Variants in INPPL1 observed in about 807,000 individuals in gnomAD.
INPPL1 encodes the protein inositol polyphosphate phosphatase like 1.
INPPL1 carries 91 observed loss-of-function variants against 139.3 expected under a neutral mutation model. The observed-to-expected ratio is 0.65, with a 90% CI of 0.55 to 0.78. The LOEUF (loss-of-function observed/expected upper bound fraction) is 0.78, where lower values mean the gene tolerates loss of function less well. Ranked by LOEUF, INPPL1 falls within the 30% of genes least tolerant of loss-of-function variation. INPPL1 has a pLI of 0.00. For missense variants in INPPL1, 1,411 were observed against 1,665.6 expected, an observed-to-expected ratio of 0.85 and a Z score of 2.66; for synonymous variants, 719 against 686.6, an observed-to-expected ratio of 1.05 and a Z score of -0.74.
In INPPL1 at chr11:72,237,803, G is replaced by A. The variant is rs764223612; in HGVS notation, c.3552+7G>A. 1.9e-6 allele frequency: 3 copies of A among 1,590,992 alleles called. No individual in the cohort carries two copies. Among genetic ancestry groups the A allele is most frequent in the East Asian group, 2.3e-5 (1 of 43,538 alleles). ...GGAAGACCTGGCAGAGGAGGTGTGT[G>A]GAGCAGGGTGGCTGTCTGTGTGTGC... is the stretch of plus-strand genomic sequence containing the variant. On this transcript the variant is annotated splice_region_variant and intron_variant, in intron 26 of 27. Coordinates refer to ENST00000298229, the MANE Select transcript of INPPL1 (RefSeq NM_001567.4).
rs1166118162 is a variant in INPPL1 at position 72,238,418 on chromosome 11, C to A, written c.*65C>A. The A allele has an allele frequency of 2.9e-6, 4 of 1,401,478 alleles. No homozygotes were observed. The East Asian group carries it at 7.5e-5, about 26-fold the overall frequency. The allele number at this position is 1,401,478 out of a possible 1,614,324, so 86.8% of individuals were successfully genotyped here. A position where few individuals can be genotyped will look rare whatever the true frequency, so the allele number is the denominator to read the frequency against. On this transcript the variant is annotated 3_prime_UTR_variant, in exon 28 of 28. Transcript: ENST00000298229. ...CCTGCTACCAAGGCCCAGCTATGGCCCCAGGGTTGAAAAGTTATGAGGGTC... is the reference window on the plus strand; with the variant it reads ...CCTGCTACCAAGGCCCAGCTATGGCACCAGGGTTGAAAAGTTATGAGGGTC...
chr11:72,233,267 A>C (rs991382033), intron 17 of INPPL1, 104 bp downstream of exon 17: 45 of 1,138,770 alleles, frequency 4.0e-5, no homozygotes, highest in Non-Finnish European at 5.4e-5. Context: ...TCCAGCCTCC[A>C]TGGCCCCTCT....
intron 13 of INPPL1, among the ~76,000 whole-genome samples, chr11:72,231,842 A>G (rs1948843587): frequency 6.6e-6 from 1 of 152,166 alleles, no homozygotes; most frequent in African/African-American, 2.4e-5. Context: ...ACTCAAACCC[A>G]GAGTGGTTGA....
chr11:72,234,692 C>A lies in INPPL1; in HGVS notation c.2415+77C>A. On this transcript the variant is annotated intron_variant, in intron 21 of 27. Coordinates refer to ENST00000298229, the MANE Select transcript of INPPL1 (RefSeq NM_001567.4). The surrounding 1 kb of genome is among the most constrained non-coding windows in gnomAD (Gnocchi z 4.2). ...ACATAAGAGTTTATTGGAGAGCCTG[C>A]CTGGGAGGGAGTGTGGGGCCAGCAG... The A allele has an allele frequency of 2.0e-6, 2 of 1,009,194 alleles. No individual in the cohort carries two copies. The highest frequency in any genetic ancestry group is 3.1e-6 in the Non-Finnish European group (2 of 652,422). The allele number at this position is 1,009,194 out of a possible 1,614,324, so 62.5% of individuals were successfully genotyped here.
At position 72,232,316 on chromosome 11, in the gene INPPL1, G is replaced by C. The variant is rs1028267064; in HGVS notation, c.1692G>C (p.Ser564=). ...SFGFVNCHLT[S]GNEKTARRNQ... is the part of the protein sequence containing the mutation. ...GCTTTGTGAATTGTCACCTCACCTCGGGAAATGAGAAGACGGCTCGGTGAG... is the reference window on the plus strand; with the variant it reads ...GCTTTGTGAATTGTCACCTCACCTCCGGAAATGAGAAGACGGCTCGGTGAG... Residue 564 remains serine (S), a synonymous_variant, in exon 14 of 28, where the codon TCG becomes TCC. Coordinates refer to ENST00000298229, the MANE Select transcript of INPPL1 (RefSeq NM_001567.4). 1 of 1,552,984 alleles carries C rather than the reference G, an allele frequency of 6.4e-7. No homozygotes were observed. Among genetic ancestry groups the C allele is most frequent in the South Asian group, 1.2e-5 (1 of 84,104 alleles).
At position 72,225,088 on chromosome 11, in the gene INPPL1, TGGCCCGGG is replaced by T; in HGVS notation, c.105_112del (p.Ala36GlyfsTer36). 5 of 1,230,958 alleles carry T rather than the reference TGGCCCGGG, an allele frequency of 4.1e-6. No individual in the cohort carries two copies. Among genetic ancestry groups the T allele is most frequent in the Non-Finnish European group, 5.1e-6 (5 of 987,400 alleles). 76.3% of individuals were successfully genotyped at this position (1,230,958 alleles called of 1,614,324 possible). On this transcript the variant is annotated frameshift_variant, in exon 1 of 28. Transcript: ENST00000298229. LOFTEE classifies it high-confidence loss of function. Reference sequence around the variant, plus strand: ...AGCCGGGCGGCCGCGGAGGAGCTGCTGGCCCGGGCGGGCCGCGATGGCAGCTTCCTGGT... The same window carrying T: ...AGCCGGGCGGCCGCGGAGGAGCTGCTCGGGCCGCGATGGCAGCTTCCTGGT...
At chr11:72,233,371 C>T (rs1948890470) in intron 17 of INPPL1, 70 bp from the exon 18 acceptor site, 1 of 1,355,792 alleles carries the variant, frequency 7.4e-7, no homozygotes, top group East Asian at 2.3e-5. Flanking sequence ...CTCATCAGCT[C>T]TGGAGTGGGG....
rs1016425463 is a variant in INPPL1, at chr11:72,235,967, G to C, written c.2860G>C (p.Glu954Gln). 1.2e-6 allele frequency: 2 copies of C among 1,600,424 alleles called. No individual in the cohort carries two copies. Among genetic ancestry groups the C allele is most frequent in the Non-Finnish European group, 1.7e-6 (2 of 1,174,112 alleles). The change falls in exon 25 of 28, where the codon GAG (glutamate) becomes CAG (glutamine). Residue 954 changes from glutamate to glutamine, a missense_variant. Around this residue, in one of 5 missense-constraint regions of INPPL1, gnomAD observed 438 missense variants for 425.7 expected, o/e 1.03. Coordinates refer to ENST00000298229, the MANE Select transcript of INPPL1 (RefSeq NM_001567.4). The surrounding 1 kb of genome is among the most constrained non-coding windows in gnomAD (Gnocchi z 4.9). ...PPAPPRAAPR[E>Q]EPLTPRLKPE... ...AGCCCCACCCCGAGCAGCTCCCCGG[G>C]AGGAGCCCTTGACCCCCAGGTGAGA...
At chr11:72,226,649 A>T (rs1168818827) in intron 1 of INPPL1, among the ~76,000 whole-genome samples, 1 of 152,216 alleles carries the variant, frequency 6.6e-6, no homozygotes, top group African/African-American at 2.4e-5. Context: ...TAGCCTAGGC[A>T]ATTGACCCAA....
chr11:72,224,162 C>A (rs1181191252), upstream of INPPL1, among the ~76,000 whole-genome samples: 1 of 152,200 alleles, frequency 6.6e-6, no homozygotes, highest in African/African-American at 2.4e-5. Context: ...GAACGTCGCA[C>A]CTCGTCTGGG....
chr11:72,225,203 A>AC (rs1489270333), intron 1 of INPPL1, 37 bp downstream of exon 1: 1 of 947,196 alleles, frequency 1.1e-6, no homozygotes, highest in African/African-American at 1.6e-5. Flanking sequence ...GCTGGCGTGG[A>AC]CCGGGAGCGC....
In INPPL1 at chr11:72,234,732, A is replaced by AGAGAGTGT. The variant is rs746371096; in HGVS notation, c.2415+118_2415+119insAGAGTGTG. 56 of 528,498 alleles carry AGAGAGTGT rather than the reference A, an allele frequency of 1.1e-4. No individual in the cohort carries two copies. The highest frequency in any genetic ancestry group is 4.9e-4 in the African/African-American group (24 of 48,616). 32.7% of individuals were successfully genotyped at this position (528,498 alleles called of 1,614,324 possible). A position where few individuals can be genotyped will look rare whatever the true frequency, so the allele number is the denominator to read the frequency against. On this transcript the variant is annotated intron_variant, in intron 21 of 27. Transcript: ENST00000298229. This position sits in a 1 kb window ranked among gnomAD's most constrained non-coding sequence, Gnocchi z 4.2. Reference sequence around the variant, plus strand: ...GGGGCCAGCAGAGAGAGAGAGAGAGAGTGTGTGTGTGTGTGTGTGTGTGTG... The same window carrying AGAGAGTGT: ...GGGGCCAGCAGAGAGAGAGAGAGAGAGAGAGTGTGTGTGTGTGTGTGTGTGTGTGTGTG...
At position 72,234,164 on chromosome 11, in the gene INPPL1, T is replaced by C; in HGVS notation, c.2213-117T>C. ...GGCTTGGGACTGGGGAGGCCCCTCC[T>C]GGCCCTGCCTCCTTGCTCTGGACCC... On this transcript the variant is annotated intron_variant, in intron 19 of 27. Coordinates refer to ENST00000298229, the MANE Select transcript of INPPL1 (RefSeq NM_001567.4). The surrounding 1 kb of genome is among the most constrained non-coding windows in gnomAD (Gnocchi z 4.2). The C allele has an allele frequency of 1.3e-6, 1 of 764,004 alleles. No individual in the cohort carries two copies. Among genetic ancestry groups the C allele is most frequent in the Non-Finnish European group, 2.2e-6 (1 of 447,174 alleles). 47.3% of individuals were successfully genotyped at this position (764,004 alleles called of 1,614,324 possible). A position where few individuals can be genotyped will look rare whatever the true frequency, so the allele number is the denominator to read the frequency against.
Position 72,234,343 on chromosome 11 carries a change from A to C in INPPL1, c.2275A>C (p.Thr759Pro). ...TGAGAGCATCGAGGCCATTGTGAAG[A>C]CAGCCAGCCGCACCAAGTTCTTCAT... ...EFESIEAIVK[T>P]ASRTKFFIEF... Residue 759 changes from threonine (T) to proline (P), a missense_variant, in exon 20 of 28, where the codon ACA (threonine) becomes CCA (proline). By Grantham distance (38) the Thr-to-Pro change is conservative. This residue lies in a region of INPPL1 where 363 missense variants were observed against 446.2 expected (regional missense o/e 0.81). Coordinates refer to ENST00000298229, the MANE Select transcript of INPPL1 (RefSeq NM_001567.4). The surrounding 1 kb of genome is among the most constrained non-coding windows in gnomAD (Gnocchi z 4.2). The C allele has an allele frequency of 3.7e-6, 6 of 1,614,164 alleles. No homozygotes were observed. Among genetic ancestry groups the C allele is most frequent in the Non-Finnish European group, 5.1e-6 (6 of 1,180,038 alleles).
intron 12 of INPPL1, 88 bp from the exon 13 acceptor site, chr11:72,231,410 G>A (rs1276595617): frequency 2.6e-6 from 3 of 1,139,448 alleles, no homozygotes; most frequent in Non-Finnish European, 4.0e-6. Context: ...CCTACCCTGT[G>A]ATGGACACAA....
chr11:72,225,091 C>T lies in INPPL1; in HGVS notation c.107C>T (p.Ala36Val). 3 of 1,231,048 alleles carry T rather than the reference C, an allele frequency of 2.4e-6. No individual in the cohort carries two copies. Among genetic ancestry groups the T allele is most frequent in the Non-Finnish European group, 3.0e-6 (3 of 987,384 alleles). 76.3% of individuals were successfully genotyped at this position (1,231,048 alleles called of 1,614,324 possible). A position where few individuals can be genotyped will look rare whatever the true frequency, so the allele number is the denominator to read the frequency against. Reference protein sequence around the residue: ...LSRAAAEELLARAGRDGSFLV... With the variant: ...LSRAAAEELLVRAGRDGSFLV... ...CGGGCGGCCGCGGAGGAGCTGCTGG[C>T]CCGGGCGGGCCGCGATGGCAGCTTC... The change falls in exon 1 of 28, where the codon GCC becomes GTC. Residue 36 changes from alanine (A) to valine (V), a missense_variant. This residue lies in a region of INPPL1 where 504 missense variants were observed against 595.6 expected (regional missense o/e 0.85). Transcript: ENST00000298229.
rs1035363493 is a variant in INPPL1 at position 72,237,499 on chromosome 11, C to T, written c.3255C>T (p.Ala1085=). 4 of 1,609,222 alleles carry T rather than the reference C, an allele frequency of 2.5e-6. No homozygotes were observed. The East Asian group carries it at 6.7e-5, about 27-fold the overall frequency. ...TCCGGGGCCGTGGTGGGGCTGAGGCCCGTGGCCCACCACCTCCCAAGGCCC... is the reference window on the plus strand; with the variant it reads ...TCCGGGGCCGTGGTGGGGCTGAGGCTCGTGGCCCACCACCTCCCAAGGCCC... ...PVVRGRGGAE[A]RGPPPPKAHP... is the part of the protein sequence containing the mutation. The change falls in exon 26 of 28, where the codon GCC becomes GCT. Residue 1085 remains alanine (A), a synonymous_variant. Coordinates refer to ENST00000298229, the MANE Select transcript of INPPL1 (RefSeq NM_001567.4).
chr11:72,231,141 C>T lies in INPPL1; in HGVS notation c.1449C>T (p.Asp483=). 10 of 1,613,732 alleles carry T rather than the reference C, an allele frequency of 6.2e-6. No homozygotes were observed. The highest frequency in any genetic ancestry group is 8.5e-6 in the Non-Finnish European group (10 of 1,180,010). The change falls in exon 12 of 28, where the codon GAC becomes GAT. Residue 483 remains aspartate (D), a synonymous_variant. Transcript: ENST00000298229. ...CAGTGGGCGACCGCGAGTGGCTGGA[C>T]CTACTGCGCGGGGGCCTCAAGGAGC... ...ENSVGDREWL[D]LLRGGLKELT...
chr11:72,231,758 C>A, intron 13 of INPPL1, 143 bp downstream of exon 13: 2 of 669,728 alleles, frequency 3.0e-6, no homozygotes, highest in South Asian at 3.5e-5. Context: ...AAAACATATT[C>A]ATATTCTAAA....
Sources: allele counts gnomAD v4.1 joint callset (sites outside exome capture counted in the v4.1 genomes callset), GRCh38; gene constraint gnomAD v4.1.1; regional missense constraint gnomAD v4.1.1; non-coding constraint Gnocchi (gnomAD v3.1); transcripts MANE v1.5; gene names NCBI Gene and HGNC (gene_info 2026-07-23, HGNC 2026-07-21).